Variants in RAB30 observed in about 807,000 individuals in gnomAD.
RAB30 encodes RAB30, member RAS oncogene family.
In RAB30, 9 loss-of-function variants were observed where a neutral mutation model predicts 25.1. The ratio of observed to expected loss-of-function variants is 0.36; its 90% CI spans 0.22 to 0.63. The LOEUF (loss-of-function observed/expected upper bound fraction) is 0.63, where lower values mean the gene tolerates loss of function less well. Ranked by LOEUF, RAB30 falls within the 20% of genes least tolerant of loss-of-function variation. The pLI, the probability that RAB30 is intolerant of heterozygous loss-of-function variation, is 0.69. For missense variants in RAB30, 140 were observed against 243.5 expected, an observed-to-expected ratio of 0.58 and a Z score of 2.83; for synonymous variants, 77 against 86.4, an observed-to-expected ratio of 0.89 and a Z score of 0.60.
intron 1 of RAB30, among the ~76,000 whole-genome samples, chr11:83,035,869 T>C (rs1023520404): frequency 2.6e-5 from 4 of 152,166 alleles, no homozygotes; most frequent in Admixed American, 2.6e-4. Flanking sequence ...AGGCATCTTA[T>C]GGATCACACA....
intron 1 of RAB30, among the ~76,000 whole-genome samples, chr11:83,024,843 C>A (rs1857671626): frequency 6.6e-6 from 1 of 152,160 alleles, no homozygotes; most frequent in Admixed American, 6.5e-5. Flanking sequence ...AGTAAAGAAC[C>A]CTACTTAACT....
At chr11:83,018,647 G>A (rs1184880454) in intron 1 of RAB30, among the ~76,000 whole-genome samples, 1 of 152,226 alleles carries the variant, frequency 6.6e-6, no homozygotes, top group East Asian at 1.9e-4. Flanking sequence ...TGGGTTGTTT[G>A]TTTACTCTGC....
intron 4 of RAB30, among the ~76,000 whole-genome samples, chr11:82,986,189 A>G (rs1053878339): frequency 3.9e-5 from 6 of 152,166 alleles, no homozygotes; most frequent in African/African-American, 9.7e-5. Context: ...AATTAATACA[A>G]CCTCTGAGAT....
chr11:83,020,525 C>A (rs1307305676), intron 1 of RAB30, among the ~76,000 whole-genome samples: 1 of 152,224 alleles, frequency 6.6e-6, no homozygotes, highest in Non-Finnish European at 1.5e-5. Context: ...ACAACTGAGG[C>A]AGGAGGCAGA....
chr11:83,034,491 G>GC (rs1857945191), intron 1 of RAB30: 1 of 152,088 alleles, frequency 6.6e-6, no homozygotes, highest in Non-Finnish European at 1.5e-5. Context: ...TGAGGCATAT[G>GC]ATAACTGCAA....
chr11:83,066,586 T>C (rs954338981), intron 1 of RAB30, among the ~76,000 whole-genome samples: 1 of 152,258 alleles, frequency 6.6e-6, no homozygotes, highest in African/African-American at 2.4e-5. Flanking sequence ...AGTCTCACTC[T>C]GTGGCCCAGA....
rs116637529 is a variant in RAB30 at position 83,063,565 on chromosome 11, T to C, written c.-9+8126A>G. Among the ~76,000 whole-genome samples the C allele has an allele frequency of 5.9e-3, 894 of 152,310 alleles. 12 individuals are homozygous for C. Among genetic ancestry groups the C allele is most frequent in the African/African-American group, 0.02 (842 of 41,562 alleles). ...TTTCTACATTATTTACACATCAACT[T>C]TTATTACCACCATCACAAAAACCAG... On this transcript the variant is annotated intron_variant, in intron 1 of 4. Coordinates refer to ENST00000527633, the MANE Select transcript of RAB30 (RefSeq NM_001286060.2).
At chr11:82,998,263 T>A (rs2121465190) in intron 1 of RAB30, among the ~76,000 whole-genome samples, 1 of 152,300 alleles carries the variant, frequency 6.6e-6, no homozygotes, top group East Asian at 1.9e-4. Flanking sequence ...GGCATGTTGC[T>A]TATGTGTAGG....
rs1024160630 is a variant in RAB30 at position 83,021,709 on chromosome 11, G to A, written c.-8-24385C>T. Among the ~76,000 whole-genome samples, 2 of 152,244 alleles carry A rather than the reference G, an allele frequency of 1.3e-5. 1 individual carries two copies. The highest frequency in any genetic ancestry group is 2.9e-5 in the Non-Finnish European group (2 of 68,036). On this transcript the variant is annotated intron_variant, in intron 1 of 4. Coordinates refer to ENST00000527633, the MANE Select transcript of RAB30 (RefSeq NM_001286060.2). ...GGCGGAACAAGCCCAGAAGGCCTGA[G>A]CAAAACTAGGGCAAAGGCGCCACCG...
intron 1 of RAB30, among the ~76,000 whole-genome samples, chr11:83,011,768 CTCTGGT>C (rs1857308702): frequency 6.6e-6 from 1 of 152,188 alleles, no homozygotes; most frequent in Non-Finnish European, 1.5e-5. Flanking sequence ...CAAGGCCAGA[CTCTGGT>C]AGCTGGGCAG....
rs149999227 is a variant in RAB30, at chr11:83,028,271, G to A, written c.-8-30947C>T. ...AATAAAAGGATTGAATGATAAAATC[G>A]AAATCTTCTAAAGAATAAAATCAAA... is the stretch of plus-strand genomic sequence containing the variant. On this transcript the variant is annotated intron_variant, in intron 1 of 4. Coordinates refer to ENST00000527633, the MANE Select transcript of RAB30 (RefSeq NM_001286060.2). 2.6e-5 allele frequency among the ~76,000 whole-genome samples: 4 copies of A among 152,030 alleles called. No homozygotes were observed. The East Asian group carries it at 5.8e-4, about 22-fold the overall frequency.
intron 3 of RAB30, among the ~76,000 whole-genome samples, chr11:82,992,547 G>A (rs1278051473): frequency 2.0e-5 from 3 of 152,128 alleles, no homozygotes; most frequent in Admixed American, 6.5e-5. Flanking sequence ...AAAGGAAGGA[G>A]AGCATGTACG....
chr11:83,049,441 G>C (rs981672838), intron 1 of RAB30, among the ~76,000 whole-genome samples: 1 of 144,262 alleles, frequency 6.9e-6, no homozygotes, highest in Non-Finnish European at 1.5e-5. Context: ...ACATTTGCCT[G>C]GTTTTTCTGG....
chr11:83,051,369 T>C (rs1479448210), intron 1 of RAB30, among the ~76,000 whole-genome samples: 1 of 152,220 alleles, frequency 6.6e-6, no homozygotes, highest in African/African-American at 2.4e-5. Flanking sequence ...ACCTCCTGGT[T>C]CCGGCTGTAC....
intron 1 of RAB30, among the ~76,000 whole-genome samples, chr11:83,002,481 T>C (rs1019740608): frequency 4.0e-5 from 6 of 150,796 alleles, no homozygotes; most frequent in African/African-American, 1.5e-4. Flanking sequence ...TGTAAATAAG[T>C]GGATATATGG....
Position 83,008,885 on chromosome 11 carries a change from T to G in RAB30, c.-8-11561A>C, listed in dbSNP as rs1414140080. Reference sequence around the variant, plus strand: ...GTGTTTTCCCAAAAGTGCCAACTAATTATCAGCCTTGAGGATGCAGTTCAA... The same window carrying G: ...GTGTTTTCCCAAAAGTGCCAACTAAGTATCAGCCTTGAGGATGCAGTTCAA... On this transcript the variant is annotated intron_variant, in intron 1 of 4. Coordinates refer to ENST00000527633, the MANE Select transcript of RAB30 (RefSeq NM_001286060.2). Among the ~76,000 whole-genome samples the G allele has an allele frequency of 2.0e-5, 3 of 152,128 alleles. 1 individual carries two copies. The highest frequency in any genetic ancestry group is 2.0e-4 in the Admixed American group (3 of 15,276).
rs905459622 is a variant in RAB30 at position 82,976,397 on chromosome 11, C to T, written c.*5768G>A. 6.6e-4 allele frequency: 101 copies of T among 152,142 alleles called. No homozygotes were observed. The highest frequency in any genetic ancestry group is 2.3e-3 in the African/African-American group (95 of 41,434). The allele number at this position is 152,142 out of a possible 1,614,324, so 9.4% of individuals were successfully genotyped here. ...AGATTGATGCTCAAATATTGTGCTT[C>T]GTCTAAAGTCTCAGCTAATTTGTGG... On this transcript the variant is annotated 3_prime_UTR_variant, in exon 5 of 5. Coordinates refer to ENST00000527633, the MANE Select transcript of RAB30 (RefSeq NM_001286060.2).
intron 1 of RAB30, among the ~76,000 whole-genome samples, chr11:83,063,646 T>C (rs1051552826): frequency 6.6e-6 from 1 of 152,210 alleles, no homozygotes; most frequent in African/African-American, 2.4e-5. Flanking sequence ...CGCAACTAGC[T>C]TCCCTTAGTA....
chr11:82,996,940 A>G (rs1443004695), intron 2 of RAB30, among the ~76,000 whole-genome samples: 4 of 152,214 alleles, frequency 2.6e-5, no homozygotes, highest in Non-Finnish European at 5.9e-5. Context: ...TAGTTTTGAT[A>G]CTGCACACTG....
Sources: gnomAD v4.1 joint callset for allele counts (sites outside exome capture counted in the v4.1 genomes callset) on GRCh38, gnomAD v4.1.1 for gene constraint, MANE v1.5 for transcripts, NCBI Gene and HGNC (gene_info 2026-07-23, HGNC 2026-07-21) for gene names.